KLHL22: variants seen among roughly 807,000 people sequenced by gnomAD.
KLHL22 encodes kelch like family member 22, also known as kelch-like protein 22.
Under a neutral mutation model 60.7 loss-of-function variants are expected in KLHL22, and 18 were observed. That is an observed-to-expected ratio of 0.30 (90% confidence interval 0.20 to 0.44). KLHL22 has a LOEUF of 0.44. Among genes scored for constraint, KLHL22 ranks in the 20% least tolerant of loss-of-function variants. The pLI, the probability that KLHL22 is intolerant of heterozygous loss-of-function variation, is 1.00. For synonymous variants in KLHL22, 355 were observed against 354.5 expected (o/e 1.00, Z -0.01); for missense variants, 596 against 852.3 (o/e 0.70, Z 3.74).
intron 6 of KLHL22, among the ~76,000 whole-genome samples, chr22:20,443,596 G>A (rs1319812314): frequency 6.6e-6 from 1 of 152,072 alleles, no homozygotes; most frequent in African/African-American, 2.4e-5. Flanking sequence ...AAAATCAGCT[G>A]GGCATGGTGG....
chr22:20,489,753 T>C (rs2053652485), intron 1 of KLHL22: 1 of 471,040 alleles, frequency 2.1e-6, no homozygotes, highest in Non-Finnish European at 4.4e-6. Context: ...AATGGATGCA[T>C]AAAAATGGCA....
intron 5 of KLHL22, among the ~76,000 whole-genome samples, chr22:20,449,073 T>G (rs371985575): frequency 4.5e-4 from 69 of 152,186 alleles, no homozygotes; most frequent in East Asian, 9.7e-4. Flanking sequence ...TTGTTTGTTT[T>G]TTTTTGAGAC....
intron 2 of KLHL22, chr22:20,483,458 GGTTCTTCTTC>G: frequency 1.3e-6 from 1 of 764,928 alleles, no homozygotes; most frequent in Non-Finnish European, 2.4e-6. Context: ...TCCTCTTCAT[GGTTCTTCTTC>G]ATGAAGAGCA....
chr22:20,490,092 A>G (rs905670239), intron 1 of KLHL22, among the ~76,000 whole-genome samples: 6 of 152,204 alleles, frequency 3.9e-5, no homozygotes, highest in Admixed American at 3.9e-4. Flanking sequence ...CAGGTCAGGG[A>G]GTGGCCAGTC....
intron 2 of KLHL22, among the ~76,000 whole-genome samples, chr22:20,487,581 C>T (rs1040570179): frequency 6.6e-6 from 1 of 151,998 alleles, no homozygotes; most frequent in Non-Finnish European, 1.5e-5. Context: ...CTGGGCTCTT[C>T]CAATAATGTT....
chr22:20,488,637 G>GTAGATCTCGGTGGTCGCCGTATCATTAA, intron 2 of KLHL22: 1 of 281,682 alleles, frequency 3.6e-6, no homozygotes, highest in Non-Finnish European at 6.7e-6. Flanking sequence ...GCCAGAAGGT[G>GTAGATCTCGGTGGTCGCCGTATCATTAA]ATGCATACAC....
At chr22:20,442,531 C>T in intron 6 of KLHL22, 93 bp from the exon 7 acceptor site, 2 of 1,435,876 alleles carry the variant, frequency 1.4e-6, no homozygotes, top group Non-Finnish European at 1.8e-6. Context: ...GCAACAGTTA[C>T]CCACCATTCT....
chr22:20,492,349 C>T (rs1368978292), intron 1 of KLHL22, among the ~76,000 whole-genome samples: 1 of 152,118 alleles, frequency 6.6e-6, no homozygotes, highest in Non-Finnish European at 1.5e-5. Flanking sequence ...AGTGATGCCC[C>T]TACCAGTTTC....
At chr22:20,468,688 T>C (rs2053270130) in intron 3 of KLHL22, among the ~76,000 whole-genome samples, 1 of 152,168 alleles carries the variant, frequency 6.6e-6, no homozygotes, top group African/African-American at 2.4e-5. Context: ...TGTTTGTTTT[T>C]TGTTTTGAGA....
At chr22:20,478,205 A>ATT (rs68060846) in intron 2 of KLHL22, among the ~76,000 whole-genome samples, 156 of 144,700 alleles carry the variant, frequency 1.1e-3, no homozygotes, top group Non-Finnish European at 1.7e-3. Context: ...ACCAAATTTA[A>ATT]TTTTTTTTTT....
chr22:20,447,277 A>G (rs1278080072), intron 5 of KLHL22, among the ~76,000 whole-genome samples: 1 of 152,102 alleles, frequency 6.6e-6, no homozygotes. Flanking sequence ...CCCTGGCCCT[A>G]CCACTTCCGG....
At chr22:20,492,476 C>G (rs1408136525) in intron 1 of KLHL22, among the ~76,000 whole-genome samples, 1 of 152,188 alleles carries the variant, frequency 6.6e-6, no homozygotes, top group Non-Finnish European at 1.5e-5. Flanking sequence ...CCTTTAGTCA[C>G]CCATCTAGGC....
chr22:20,448,858 C>T (rs2052925516), intron 5 of KLHL22, among the ~76,000 whole-genome samples: 1 of 152,196 alleles, frequency 6.6e-6, no homozygotes, highest in African/African-American at 2.4e-5. Flanking sequence ...TTTCCCTGCA[C>T]AGTCACCAGT....
intron 6 of KLHL22, among the ~76,000 whole-genome samples, chr22:20,445,969 C>T (rs62219034): frequency 0.2 from 31,025 of 152,184 alleles, 3,922 homozygotes; most frequent in Non-Finnish European, 0.29. Flanking sequence ...CCATGATGCC[C>T]AGGCTGGTCT....
intron 5 of KLHL22, among the ~76,000 whole-genome samples, chr22:20,452,627 G>C (rs2052997621): frequency 6.6e-6 from 1 of 152,200 alleles, no homozygotes; most frequent in Non-Finnish European, 1.5e-5. Context: ...ATAAATGTGG[G>C]AGTTCAGTAT....
At chr22:20,451,309 C>T (rs1422386597) in intron 5 of KLHL22, 17 of 1,607,036 alleles carry the variant, frequency 1.1e-5, no homozygotes, top group East Asian at 2.2e-5. Context: ...CAGTATGGAG[C>T]GGTATGATCC....
At chr22:20,477,510 G>A (rs1278363973) in intron 2 of KLHL22, among the ~76,000 whole-genome samples, 1 of 152,166 alleles carries the variant, frequency 6.6e-6, no homozygotes, top group Non-Finnish European at 1.5e-5. Flanking sequence ...AAATGCTGAG[G>A]TGGGAGTGTT....
chr22:20,485,157 T>A (rs1211306828), intron 2 of KLHL22, among the ~76,000 whole-genome samples: 1 of 152,074 alleles, frequency 6.6e-6, no homozygotes, highest in African/African-American at 2.4e-5. Flanking sequence ...ACAGATGGAA[T>A]GAAAACTAAG....
intron 5 of KLHL22, among the ~76,000 whole-genome samples, chr22:20,447,419 G>C (rs2052885312): frequency 6.6e-6 from 1 of 152,246 alleles, no homozygotes; most frequent in Non-Finnish European, 1.5e-5. Context: ...CTAACACTGA[G>C]GCCATGCGGG....
Sources: allele counts gnomAD v4.1 joint callset (sites outside exome capture counted in the v4.1 genomes callset), GRCh38; gene constraint gnomAD v4.1.1; transcripts MANE v1.5; gene names NCBI Gene and HGNC (gene_info 2026-07-23, HGNC 2026-07-21).